GRM7: variants seen among roughly 807,000 people sequenced by gnomAD.
GRM7 encodes the protein glutamate metabotropic receptor 7.
Under a neutral mutation model 84.5 loss-of-function variants are expected in GRM7, and 35 were observed. The observed-to-expected ratio is 0.41, with a 90% CI of 0.32 to 0.55. GRM7 has a LOEUF of 0.55. Ranked by LOEUF, GRM7 falls within the 20% of genes least tolerant of loss-of-function variation. The probability of loss-of-function intolerance (pLI) is 0.19; values close to 1 mark genes in which losing one functional copy is unlikely to be tolerated. For missense variants in GRM7, 1,003 were observed against 1,194.6 expected (o/e 0.84, Z 2.36); for synonymous variants, 487 against 455.1 (o/e 1.07, Z -0.89).
At chr3:7,199,667 A>T (rs1009530646) in intron 2 of GRM7, among the ~76,000 whole-genome samples, 1 of 152,186 alleles carries the variant, frequency 6.6e-6, no homozygotes, top group African/African-American at 2.4e-5. Flanking sequence ...GGCCAGGGAT[A>T]TTAGTAAACG....
chr3:7,126,668 A>G (rs908118703), intron 1 of GRM7, among the ~76,000 whole-genome samples: 2 of 152,222 alleles, frequency 1.3e-5, no homozygotes, highest in Admixed American at 1.3e-4. Context: ...TCTTTTTAAC[A>G]AAAAGTTAAA....
chr3:7,250,308 G>T (rs1409930579), intron 2 of GRM7, among the ~76,000 whole-genome samples: 2 of 152,124 alleles, frequency 1.3e-5, no homozygotes, highest in South Asian at 2.1e-4. Flanking sequence ...GGAGCCAGAG[G>T]TTATAATTGT....
intron 8 of GRM7, among the ~76,000 whole-genome samples, chr3:7,670,819 T>C (rs1189834716): frequency 6.6e-6 from 1 of 152,196 alleles, no homozygotes; most frequent in African/African-American, 2.4e-5. Context: ...CATTTTCACA[T>C]TATAAGACAG....
intron 1 of GRM7, among the ~76,000 whole-genome samples, chr3:7,110,201 T>C (rs1025065988): frequency 1.3e-5 from 2 of 152,136 alleles, no homozygotes; most frequent in Non-Finnish European, 2.9e-5. Context: ...GGTTTTAATT[T>C]CTGTGAAAAC....
chr3:7,522,163 G>C (rs1326274189), intron 7 of GRM7, among the ~76,000 whole-genome samples: 5 of 152,124 alleles, frequency 3.3e-5, no homozygotes, highest in Non-Finnish European at 5.9e-5. Flanking sequence ...GGTGGAATAG[G>C]CTGGCTCTTT....
At position 6,954,158 on chromosome 3, in the gene GRM7, G is replaced by A. The variant is rs377211720; in HGVS notation, c.519+92251G>A. On this transcript the variant is annotated intron_variant, in intron 1 of 9. Coordinates refer to ENST00000357716, the MANE Select transcript of GRM7 (RefSeq NM_000844.4). ...TGCATATTTGTTCTATGCATAGAAC[G>A]TGTAATGATCAAGTCAGGATATTCA... 5.3e-5 allele frequency among the ~76,000 whole-genome samples: 8 copies of A among 152,174 alleles called. No homozygotes were observed. In the East Asian group the frequency reaches 7.7e-4, roughly 15 times the overall value.
intron 6 of GRM7, among the ~76,000 whole-genome samples, chr3:7,457,644 T>A (rs950453881): frequency 6.6e-6 from 1 of 152,212 alleles, no homozygotes; most frequent in African/African-American, 2.4e-5. Context: ...GAGGTGAGAT[T>A]TATTTTTCCT....
At chr3:7,477,763 TG>T (rs1698981320) in intron 7 of GRM7, among the ~76,000 whole-genome samples, 1 of 152,192 alleles carries the variant, frequency 6.6e-6, no homozygotes, top group African/African-American at 2.4e-5. Flanking sequence ...CCATTTCTCA[TG>T]GGATTGTTAA....
At chr3:7,707,744 C>A (rs1054876619) in intron 9 of GRM7, among the ~76,000 whole-genome samples, 13 of 152,140 alleles carry the variant, frequency 8.5e-5, no homozygotes, top group Admixed American at 7.2e-4. Context: ...CTGTCTCTGC[C>A]ACAAAAATTC....
intron 2 of GRM7, among the ~76,000 whole-genome samples, chr3:7,246,132 CAG>C (rs1697749746): frequency 6.6e-6 from 1 of 151,984 alleles, no homozygotes; most frequent in Non-Finnish European, 1.5e-5. Flanking sequence ...CATCTAAAAA[CAG>C]AGTATGGTAT....
intron 8 of GRM7, among the ~76,000 whole-genome samples, chr3:7,662,558 T>C (rs1050524302): frequency 2.0e-5 from 3 of 152,178 alleles, no homozygotes; most frequent in African/African-American, 7.2e-5. Context: ...GTATCATATG[T>C]TAGATGATAG....
At chr3:7,032,023 C>T (rs1488751749) in intron 1 of GRM7, among the ~76,000 whole-genome samples, 2 of 152,152 alleles carry the variant, frequency 1.3e-5, no homozygotes, top group African/African-American at 4.8e-5. Flanking sequence ...GCTTTTATGT[C>T]CAACGGAAGG....
In GRM7 at chr3:7,029,314, A is replaced by C. The variant is rs1180979565; in HGVS notation, c.520-117138A>C. On this transcript the variant is annotated intron_variant, in intron 1 of 9. Transcript: ENST00000357716. Reference sequence around the variant, plus strand: ...GAGACTCTGCCTCAAAAAAAAAAAAACAAAAAAAAAAAACAAACAAAAAAA... The same window carrying C: ...GAGACTCTGCCTCAAAAAAAAAAAACCAAAAAAAAAAAACAAACAAAAAAA... Among the ~76,000 whole-genome samples, 881 of 110,138 alleles carry C rather than the reference A, an allele frequency of 8.0e-3. 8 individuals carry two copies. Among genetic ancestry groups the C allele is most frequent in the African/African-American group, 0.025 (843 of 34,012 alleles). The allele number at this position is 110,138 out of a possible 152,430, so 72.3% of individuals were successfully genotyped here.
rs188849084 is a variant in GRM7, at chr3:7,724,832, C to T, written c.2699-15525C>T. On this transcript the variant is annotated intron_variant, in intron 9 of 9. Transcript: ENST00000357716. Reference sequence around the variant, plus strand: ...AGAGTGCAGTGGCACAATCATAGCTCACTCACTGCAGCCTTGAATCCCTGA... The same window carrying T: ...AGAGTGCAGTGGCACAATCATAGCTTACTCACTGCAGCCTTGAATCCCTGA... Among the ~76,000 whole-genome samples, 428 of 152,318 alleles carry T rather than the reference C, an allele frequency of 2.8e-3. 7 individuals are homozygous for T. The highest frequency in any genetic ancestry group is 0.02 in the Middle Eastern group (6 of 294).
chr3:7,255,198 C>G (rs1698150737), intron 2 of GRM7, among the ~76,000 whole-genome samples: 1 of 152,190 alleles, frequency 6.6e-6, no homozygotes, highest in African/African-American at 2.4e-5. Flanking sequence ...AGTTTCCCAT[C>G]TATGAAATAA....
chr3:7,157,417 A>G (rs78107998), intron 2 of GRM7, among the ~76,000 whole-genome samples: 38,568 of 152,060 alleles, frequency 0.25, 5,405 homozygotes, highest in Non-Finnish European at 0.32. Flanking sequence ...AAAAGAAAAA[A>G]ATTAATAGTG....
At chr3:6,974,665 C>A (rs1008982417) in intron 1 of GRM7, among the ~76,000 whole-genome samples, 2 of 152,128 alleles carry the variant, frequency 1.3e-5, no homozygotes, top group Admixed American at 1.3e-4. Flanking sequence ...GTGTTAAGAG[C>A]TGCTGCCTGA....
intron 2 of GRM7, among the ~76,000 whole-genome samples, chr3:7,154,278 A>T (rs1694378038): frequency 6.6e-6 from 1 of 152,152 alleles, no homozygotes; most frequent in Admixed American, 6.6e-5. Flanking sequence ...AATGGAGAAA[A>T]CTAGTCTTTC....
chr3:7,557,854 C>A (rs879782322), intron 7 of GRM7, among the ~76,000 whole-genome samples: 3 of 152,136 alleles, frequency 2.0e-5, no homozygotes, highest in Admixed American at 1.3e-4. Context: ...CCCCACAGAA[C>A]TTTTGAGTTG....
Sources: gnomAD v4.1 joint callset for allele counts (sites outside exome capture counted in the v4.1 genomes callset) on GRCh38, gnomAD v4.1.1 for gene constraint, MANE v1.5 for transcripts, NCBI Gene and HGNC (gene_info 2026-07-23, HGNC 2026-07-21) for gene names.